Variants in TSPOAP1 observed in about 807,000 individuals in gnomAD.
TSPOAP1 encodes peripheral-type benzodiazepine receptor-associated protein 1.
Under a neutral mutation model 197.0 loss-of-function variants are expected in TSPOAP1, and 87 were observed. The ratio of observed to expected loss-of-function variants is 0.44; its 90% CI spans 0.37 to 0.53. The LOEUF (loss-of-function observed/expected upper bound fraction) is 0.53, where lower values mean the gene tolerates loss of function less well. Among genes scored for constraint, TSPOAP1 ranks in the 20% least tolerant of loss-of-function variants. The probability of loss-of-function intolerance (pLI) is 0.00; values close to 1 mark genes in which losing one functional copy is unlikely to be tolerated. For missense variants in TSPOAP1, 2,174 were observed against 2,411.3 expected (o/e 0.90, Z 2.06); for synonymous variants, 913 against 998.9 (o/e 0.91, Z 1.62).
chr17:58,326,463 C>G lies in TSPOAP1; in HGVS notation c.442-42G>C. The G allele has an allele frequency of 6.2e-7, 1 of 1,607,328 alleles. No individual in the cohort carries two copies. The highest frequency in any genetic ancestry group is 8.5e-7 in the Non-Finnish European group (1 of 1,177,238). ...CAGAATTGGGGCATGTAGGGAGCAC[C>G]CCACAGACCCAGTCCTAACAGCCCA... On this transcript the variant is annotated intron_variant, in intron 2 of 31. Transcript: ENST00000343736. The surrounding 1 kb of genome is among the most constrained non-coding windows in gnomAD (Gnocchi z 4.7).
chr17:58,315,577 T>C (rs72839991), intron 16 of TSPOAP1, among the ~76,000 whole-genome samples: 3,649 of 152,300 alleles, frequency 0.024, 48 homozygotes, highest in Middle Eastern at 0.031. Context: ...GCTAACCGCT[T>C]GAGAACACCT....
chr17:58,322,183 T>G lies in TSPOAP1; in HGVS notation c.1422+125A>C, dbSNP rs1971421768. Reference sequence around the variant, plus strand: ...ATTTGCTGACTGCTCAGGGACCTGGTCTTTGTTCCCCACAGTCTCCCCGAC... The same window carrying G: ...ATTTGCTGACTGCTCAGGGACCTGGGCTTTGTTCCCCACAGTCTCCCCGAC... On this transcript the variant is annotated intron_variant, in intron 10 of 31. Coordinates refer to ENST00000343736, the MANE Select transcript of TSPOAP1 (RefSeq NM_004758.4). The surrounding 1 kb of genome is among the most constrained non-coding windows in gnomAD (Gnocchi z 5.0). 2.1e-6 allele frequency: 2 copies of G among 938,832 alleles called. No individual in the cohort carries two copies. Among genetic ancestry groups the G allele is most frequent in the Non-Finnish European group, 3.2e-6 (2 of 620,536 alleles). 58.2% of individuals were successfully genotyped at this position (938,832 alleles called of 1,614,324 possible).
In TSPOAP1 at chr17:58,304,710, A is replaced by G; in HGVS notation, c.5545-311T>C. Reference sequence around the variant, plus strand: ...CCTGGGAGGTATGGAGACCACCCCCAGGGTGGGAGTGTCCTGAAACAGGGA... The same window carrying G: ...CCTGGGAGGTATGGAGACCACCCCCGGGGTGGGAGTGTCCTGAAACAGGGA... On this transcript the variant is annotated intron_variant, in intron 30 of 31. Coordinates refer to ENST00000343736, the MANE Select transcript of TSPOAP1 (RefSeq NM_004758.4). The surrounding 1 kb of genome is among the most constrained non-coding windows in gnomAD (Gnocchi z 4.2). The G allele has an allele frequency of 1.8e-6, 1 of 564,862 alleles. No individual in the cohort carries two copies. The highest frequency in any genetic ancestry group is 3.2e-6 in the Non-Finnish European group (1 of 313,050). The allele number at this position is 564,862 out of a possible 1,614,324, so 35.0% of individuals were successfully genotyped here. A position where few individuals can be genotyped will look rare whatever the true frequency, so the allele number is the denominator to read the frequency against.
Position 58,312,174 on chromosome 17 carries a change from C to T in TSPOAP1, c.2647G>A (p.Val883Met), listed in dbSNP as rs746706351. The T allele has an allele frequency of 6.2e-7, 1 of 1,612,994 alleles. No homozygotes were observed. Among genetic ancestry groups the T allele is most frequent in the Non-Finnish European group, 8.5e-7 (1 of 1,179,966 alleles). Residue 883 changes from valine (V) to methionine (M), a missense_variant, in exon 17 of 32, where the codon GTG becomes ATG. Physicochemically the swap from Val to Met is conservative, Grantham distance 21. Coordinates refer to ENST00000343736, the MANE Select transcript of TSPOAP1 (RefSeq NM_004758.4). ...TGGACCCGCAGCTGGCTGGGCACCA[C>T]TCCGGCCCGGGCACCCACCGCCAAG... ...CCLAVGARAG[V>M]VPSQLRVHRL...
chr17:58,326,717 C>T lies in TSPOAP1; in HGVS notation c.407G>A (p.Arg136His), dbSNP rs765140985. 2.5e-5 allele frequency: 41 copies of T among 1,614,004 alleles called. No individual in the cohort carries two copies. The highest frequency in any genetic ancestry group is 1.6e-4 in the Middle Eastern group (1 of 6,084). Residue 136 changes from arginine (R) to histidine (H), a missense_variant, in exon 2 of 32, where the codon CGC (arginine) becomes CAC (histidine). Around this residue, in one of 5 missense-constraint regions of TSPOAP1, gnomAD observed 1,933 missense variants for 2,139.0 expected, o/e 0.90. Transcript: ENST00000343736. The surrounding 1 kb of genome is among the most constrained non-coding windows in gnomAD (Gnocchi z 4.7). ...GTTTTCCTCCTTAAGGATGGCACAG[C>T]GCTGCCGCAGCTCCCCCAGGGCCCT... The part of the protein sequence containing the change: ...LLRALGELRQ[R>H]CAILKEENQM...
chr17:58,320,051 A>G (rs1971358685), intron 12 of TSPOAP1, 58 bp downstream of exon 12: 1 of 1,607,576 alleles, frequency 6.2e-7, no homozygotes, highest in Admixed American at 1.7e-5. Flanking sequence ...GCCCTGAGGG[A>G]GGAGATGCAA....
Position 58,327,864 on chromosome 17 carries a change from C to T in TSPOAP1, c.57G>A (p.Trp19Ter). The T allele has an allele frequency of 3.7e-6, 6 of 1,611,332 alleles. No individual in the cohort carries two copies. Among genetic ancestry groups the T allele is most frequent in the Non-Finnish European group, 5.1e-6 (6 of 1,178,108 alleles). ...RPGDPGAMEP[W>*]ALPTWHSWTP... ...TCCAGCTATGCCAGGTGGGCAGTGC[C>T]CATGGCTCCATGGCTCCAGGGTCCC... is the stretch of plus-strand genomic sequence containing the variant. Residue 19 changes from tryptophan to a stop codon, truncating the protein, a stop_gained, in exon 1 of 32, where the codon TGG (tryptophan) becomes TGA (stop). Coordinates refer to ENST00000343736, the MANE Select transcript of TSPOAP1 (RefSeq NM_004758.4). LOFTEE classifies it high-confidence loss of function.
chr17:58,323,435 C>G (rs1971460903), intron 6 of TSPOAP1, 33 bp downstream of exon 6: 1 of 1,614,236 alleles, frequency 6.2e-7, no homozygotes, highest in African/African-American at 1.3e-5. Flanking sequence ...CTGCCCACAG[C>G]AGGCTGCCTC....
chr17:58,324,130 G>T lies in TSPOAP1; in HGVS notation c.943-585C>A, dbSNP rs1346529848. Reference sequence around the variant, plus strand: ...CATCTCCCTTCCAGGGCCAGCCAGGGAGACAAAATCTGAGCAAGAAGCCTC... The same window carrying T: ...CATCTCCCTTCCAGGGCCAGCCAGGTAGACAAAATCTGAGCAAGAAGCCTC... On this transcript the variant is annotated intron_variant, in intron 5 of 31. Transcript: ENST00000343736. The surrounding 1 kb of genome is among the most constrained non-coding windows in gnomAD (Gnocchi z 5.8). Among the ~76,000 whole-genome samples the T allele has an allele frequency of 6.6e-6, 1 of 152,154 alleles. No individual in the cohort carries two copies. The highest frequency in any genetic ancestry group is 1.5e-5 in the Non-Finnish European group (1 of 68,004).
rs142624026 is a variant in TSPOAP1, at chr17:58,305,844, T to C, written c.5246A>G (p.Gln1749Arg). Reference protein sequence around the residue: ...SKKAESEGPAQPCPGPPKLVP... With the variant: ...SKKAESEGPARPCPGPPKLVP... The stretch of plus-strand genomic sequence containing the variant: ...GGATATTCCTTCACCTGGACAGGGC[T>C]GGGCAGGGCCTTCCGACTCAGCTGT... The change falls in exon 27 of 32, where the codon CAG (glutamine) becomes CGG (arginine). Residue 1749 changes from glutamine (Q) to arginine (R), a missense_variant. Physicochemically the swap from Gln to Arg is conservative, Grantham distance 43 (BLOSUM62 1). Around this residue, in one of 5 missense-constraint regions of TSPOAP1, gnomAD observed 161 missense variants for 159.1 expected, o/e 1.01. Coordinates refer to ENST00000343736, the MANE Select transcript of TSPOAP1 (RefSeq NM_004758.4). 4.1e-4 allele frequency: 667 copies of C among 1,612,928 alleles called. 6 individuals carry two copies. In the African/African-American group the frequency reaches 6.9e-3, roughly 17 times the overall value.
At position 58,308,620 on chromosome 17, in the gene TSPOAP1, C is replaced by T. The variant is rs1316140656; in HGVS notation, c.4652G>A (p.Arg1551His). ...KANSGPKPYP[R>H]LPAWEKGEPE... The stretch of plus-strand genomic sequence containing the variant: ...TTCCCCTTTCTCCCAGGCTGGGAGG[C>T]GTGGGTAGGGCTTGGGGCCTGAATT... Residue 1551 changes from arginine (R) to histidine (H), a missense_variant, in exon 22 of 32, where the codon CGC becomes CAC. Transcript: ENST00000343736. 12 of 1,601,030 alleles carry T rather than the reference C, an allele frequency of 7.5e-6. No homozygotes were observed. The African/African-American group carries it at 8.0e-5, about 11-fold the overall frequency.
intron 22 of TSPOAP1, 109 bp from the exon 23 acceptor site, chr17:58,308,050 A>G: frequency 9.0e-7 from 1 of 1,116,940 alleles, no homozygotes; most frequent in South Asian, 1.5e-5. Context: ...GCGCAGGAGC[A>G]CAGCATTCCT....
rs948726690 is a variant in TSPOAP1, at chr17:58,324,477, G to T, written c.942+334C>A. On this transcript the variant is annotated intron_variant, in intron 5 of 31. Coordinates refer to ENST00000343736, the MANE Select transcript of TSPOAP1 (RefSeq NM_004758.4). The surrounding 1 kb of genome is among the most constrained non-coding windows in gnomAD (Gnocchi z 5.8). ...CGGCGGCGGCGGGAGGAGGCGGCGC[G>T]GGCTGGGCCCCGGGCGGCTGCCAGG... Among the ~76,000 whole-genome samples the T allele has an allele frequency of 3.3e-5, 5 of 151,818 alleles. No homozygotes were observed. The highest frequency in any genetic ancestry group is 7.4e-5 in the Non-Finnish European group (5 of 67,896).
At chr17:58,306,761 G>C (rs201177985) in intron 25 of TSPOAP1, 39 bp downstream of exon 25, 2 of 1,584,666 alleles carry the variant, frequency 1.3e-6, no homozygotes, top group African/African-American at 2.7e-5. Context: ...TTGGAAGGGG[G>C]CTGGTGGGAG....
At chr17:58,306,725 C>A in intron 25 of TSPOAP1, 75 bp downstream of exon 25, 1 of 1,538,514 alleles carries the variant, frequency 6.5e-7, no homozygotes. Flanking sequence ...ACCCCAGACA[C>A]AACAATTGCT....
chr17:58,307,562 AG>A, intron 24 of TSPOAP1, 48 bp downstream of exon 24: 1 of 1,593,544 alleles, frequency 6.3e-7, no homozygotes, highest in Non-Finnish European at 8.6e-7. Flanking sequence ...GGAGGAGGGA[AG>A]ACCCAGCTGG....
intron 10 of TSPOAP1, among the ~76,000 whole-genome samples, chr17:58,321,605 T>C (rs73315991): frequency 0.017 from 2,651 of 152,258 alleles, 76 homozygotes; most frequent in African/African-American, 0.06. Context: ...GCCAGAACCT[T>C]GTCAGTTCTA....
chr17:58,319,674 C>A (rs898368796), intron 12 of TSPOAP1, among the ~76,000 whole-genome samples: 1 of 152,258 alleles, frequency 6.6e-6, no homozygotes, highest in African/African-American at 2.4e-5. Context: ...TGCTCATCAC[C>A]CTCCCACAAT....
Position 58,312,056 on chromosome 17 carries a change from G to A in TSPOAP1, c.2765C>T (p.Pro922Leu), listed in dbSNP as rs1971091505. The A allele has an allele frequency of 6.2e-7, 1 of 1,613,406 alleles. No homozygotes were observed. The highest frequency in any genetic ancestry group is 1.3e-5 in the African/African-American group (1 of 74,936). ...AIYLNGEECP[P>L]ASPSTYWATF... ...GGCCCAGTAGGTACTGGGGCTGGCA[G>A]GTGGGCACTCTTCCCCATTGAGGTA... Residue 922 changes from proline to leucine, a missense_variant, in exon 17 of 32, where the codon CCT becomes CTT. Physicochemically the swap from Pro to Leu is moderately conservative, Grantham distance 98 (BLOSUM62 -3). Transcript: ENST00000343736.
Sources: allele counts gnomAD v4.1 joint callset (sites outside exome capture counted in the v4.1 genomes callset), GRCh38; gene constraint gnomAD v4.1.1; regional missense constraint gnomAD v4.1.1; non-coding constraint Gnocchi (gnomAD v3.1); transcripts MANE v1.5; gene names NCBI Gene and HGNC (gene_info 2026-07-23, HGNC 2026-07-21).